The following TUBGCP4 variants were observed in gnomAD, a reference collection of about 807,000 sequenced individuals.
TUBGCP4 encodes the protein gamma-tubulin complex component 4.
Under a neutral mutation model 91.6 loss-of-function variants are expected in TUBGCP4, and 54 were observed. That is an observed-to-expected ratio of 0.59 (90% CI 0.47 to 0.74). TUBGCP4 has a LOEUF of 0.74. Among genes scored for constraint, TUBGCP4 ranks in the 30% least tolerant of loss-of-function variants. The probability of loss-of-function intolerance (pLI) is 0.00; values close to 1 mark genes in which losing one functional copy is unlikely to be tolerated. For synonymous variants in TUBGCP4, 297 were observed against 302.8 expected (o/e 0.98, Z 0.20); for missense variants, 593 against 800.9 (o/e 0.74, Z 3.13).
At chr15:43,387,217 G>C (rs544067461) in intron 9 of TUBGCP4, among the ~76,000 whole-genome samples, 1 of 152,348 alleles carries the variant, frequency 6.6e-6, no homozygotes, top group African/African-American at 2.4e-5. Context: ...AGTAGCCATA[G>C]TGAGGTCAGT....
At chr15:43,377,747 A>T (rs1005222586) in intron 4 of TUBGCP4, 100 bp from the exon 5 acceptor site, 30 of 989,040 alleles carry the variant, frequency 3.0e-5, no homozygotes, top group Non-Finnish European at 3.8e-5. Flanking sequence ...TTGCCATTTT[A>T]TCTTAAGTTG....
At chr15:43,374,038 C>A (rs2044166326) in intron 1 of TUBGCP4, among the ~76,000 whole-genome samples, 1 of 152,214 alleles carries the variant, frequency 6.6e-6, no homozygotes, top group Non-Finnish European at 1.5e-5. Context: ...TTAAAATCTA[C>A]ATTAATTGGA....
At chr15:43,377,623 A>AAG (rs2044226451) in intron 4 of TUBGCP4, 2 of 473,652 alleles carry the variant, frequency 4.2e-6, no homozygotes, top group Non-Finnish European at 7.2e-6. Context: ...AAAAAAAAAA[A>AAG]AAAAAGAAAA....
chr15:43,380,213 T>A, intron 6 of TUBGCP4, 50 bp downstream of exon 6: 2 of 1,450,132 alleles, frequency 1.4e-6, no homozygotes, highest in Non-Finnish European at 9.7e-7. Context: ...GTGGTCAAAT[T>A]ATTTGACTTC....
At chr15:43,382,002 T>C (rs989546098) in intron 6 of TUBGCP4, among the ~76,000 whole-genome samples, 6 of 151,970 alleles carry the variant, frequency 3.9e-5, no homozygotes, top group African/African-American at 1.2e-4. Flanking sequence ...GGTGGGTGGA[T>C]AGCTTGAGCC....
At chr15:43,385,452 A>C (rs1010290841) in intron 7 of TUBGCP4, 1 of 465,718 alleles carries the variant, frequency 2.1e-6, no homozygotes, top group African/African-American at 2.0e-5. Context: ...GCACCAGCAG[A>C]GAAGACATAG....
At chr15:43,394,825 C>G (rs879278279) in intron 9 of TUBGCP4, 1 of 434,028 alleles carries the variant, frequency 2.3e-6, no homozygotes, top group Non-Finnish European at 4.2e-6. Flanking sequence ...TTGTAAGTTT[C>G]CTGAGGCCTC....
intron 6 of TUBGCP4, among the ~76,000 whole-genome samples, chr15:43,381,558 G>A (rs898865390): frequency 2.6e-5 from 4 of 152,042 alleles, no homozygotes; most frequent in East Asian, 1.9e-4. Flanking sequence ...GCAACATAGC[G>A]AGACCCTGTC....
intron 1 of TUBGCP4, 22 bp from the exon 2 acceptor site, chr15:43,376,076 G>A (rs768867060): frequency 1.1e-5 from 17 of 1,610,010 alleles, no homozygotes; most frequent in Middle Eastern, 3.3e-4. Context: ...CGGTGTTTTC[G>A]GCAGTGTTCC....
In TUBGCP4 at chr15:43,407,720, G is replaced by A. The variant is rs1566910596; in HGVS notation, c.*2506G>A. ...ACACTGCTACTGATCATGACCAAAGGCAGAGTTATAATCACTATGTGCTGA... is the reference window on the plus strand; with the variant it reads ...ACACTGCTACTGATCATGACCAAAGACAGAGTTATAATCACTATGTGCTGA... On this transcript the variant is annotated 3_prime_UTR_variant, in exon 18 of 18. Coordinates refer to ENST00000564079, the MANE Select transcript of TUBGCP4 (RefSeq NM_014444.5). 2.4e-6 allele frequency: 2 copies of A among 830,522 alleles called. No individual in the cohort carries two copies. The highest frequency in any genetic ancestry group is 2.7e-5 in the East Asian group (1 of 37,362). 51.4% of individuals were successfully genotyped at this position (830,522 alleles called of 1,614,324 possible).
intron 15 of TUBGCP4, 29 bp from the exon 16 acceptor site, chr15:43,403,654 T>C (rs371708001): frequency 6.6e-6 from 10 of 1,526,174 alleles, no homozygotes; most frequent in South Asian, 2.3e-5. Context: ...TTCCTTCCTT[T>C]CCTAATGCCA....
intron 6 of TUBGCP4, among the ~76,000 whole-genome samples, chr15:43,381,499 G>A (rs573660794): frequency 2.0e-5 from 3 of 152,148 alleles, no homozygotes; most frequent in Non-Finnish European, 4.4e-5. Context: ...CACTTTGGAA[G>A]GCTGAGGCAG....
At chr15:43,396,382 C>T (rs919351059) in intron 11 of TUBGCP4, among the ~76,000 whole-genome samples, 2 of 152,174 alleles carry the variant, frequency 1.3e-5, no homozygotes, top group Non-Finnish European at 2.9e-5. Context: ...GAAGAGTCTA[C>T]CCCTTGACCC....
At chr15:43,402,600 T>C (rs926709126) in intron 15 of TUBGCP4, 9 of 152,232 alleles carry the variant, frequency 5.9e-5, no homozygotes, top group African/African-American at 2.2e-4. Context: ...TGTAAGTACA[T>C]ATATGTCTCC....
rs56813954 is a variant in TUBGCP4 at position 43,409,748 on chromosome 15, TAAAA to T, written c.*4542_*4545del. 1 of 1,223,392 alleles carries T rather than the reference TAAAA, an allele frequency of 8.2e-7. No individual in the cohort carries two copies. The highest frequency in any genetic ancestry group is 2.7e-5 in the East Asian group (1 of 36,390). The allele number at this position is 1,223,392 out of a possible 1,614,324, so 75.8% of individuals were successfully genotyped here. A position where few individuals can be genotyped will look rare whatever the true frequency, so the allele number is the denominator to read the frequency against. On this transcript the variant is annotated 3_prime_UTR_variant, in exon 18 of 18. Transcript: ENST00000564079. ...GGAGGAATTTCCAAAAATTCTATATTAAAAAAAAAAACCAAGATAATAATTACTG... is the reference window on the plus strand; with the variant it reads ...GGAGGAATTTCCAAAAATTCTATATTAAAAAAACCAAGATAATAATTACTG...
chr15:43,393,228 T>C (rs1369906442), intron 9 of TUBGCP4, among the ~76,000 whole-genome samples: 2 of 143,690 alleles, frequency 1.4e-5, no homozygotes, highest in Non-Finnish European at 1.5e-5. Context: ...TTTTTTTTTT[T>C]AAGACGGAGT....
At position 43,401,799 on chromosome 15, in the gene TUBGCP4, T is replaced by C; in HGVS notation, c.1680T>C (p.His560=). ...ACTTTGAAAGCATCCGATTGGCTCA[T>C]GACCACTTCCTGAGCAATTTGCTGG... is the stretch of plus-strand genomic sequence containing the variant. ...TRDFESIRLA[H]DHFLSNLLAQ... Residue 560 remains histidine, a synonymous_variant, in exon 15 of 18, where the codon CAT becomes CAC. Coordinates refer to ENST00000564079, the MANE Select transcript of TUBGCP4 (RefSeq NM_014444.5). 6.2e-7 allele frequency: 1 copy of C among 1,614,210 alleles called. No individual in the cohort carries two copies. Among genetic ancestry groups the C allele is most frequent in the Non-Finnish European group, 8.5e-7 (1 of 1,180,018 alleles).
intron 6 of TUBGCP4, among the ~76,000 whole-genome samples, chr15:43,381,828 C>G (rs2044289775): frequency 6.6e-6 from 1 of 152,154 alleles, no homozygotes; most frequent in African/African-American, 2.4e-5. Flanking sequence ...TTTTCTCCTT[C>G]TATACGTATA....
At chr15:43,404,632 AGAC>A in intron 17 of TUBGCP4, 80 bp downstream of exon 17, 1 of 1,491,938 alleles carries the variant, frequency 6.7e-7, no homozygotes, top group Non-Finnish European at 9.2e-7. Context: ...AACTGGAAGA[AGAC>A]TTTAGTCCAA....
Sources: allele counts gnomAD v4.1 joint callset (sites outside exome capture counted in the v4.1 genomes callset), GRCh38; gene constraint gnomAD v4.1.1; transcripts MANE v1.5; gene names NCBI Gene and HGNC (gene_info 2026-07-23, HGNC 2026-07-21).